The following RYR3 variants were observed in gnomAD, a reference collection of about 807,000 sequenced individuals.
RYR3 encodes the protein ryanodine receptor 3.
In RYR3, 207 loss-of-function variants were observed where a neutral mutation model predicts 584.3. The ratio of observed to expected loss-of-function variants is 0.35; its 90% CI spans 0.32 to 0.40. RYR3 has a LOEUF of 0.40. RYR3 is among the 10% of genes least tolerant of loss of function. The pLI is 1.00. For synonymous variants in RYR3, 2,416 were observed against 2,248.5 expected, an observed-to-expected ratio of 1.07 and a Z score of -2.11; for missense variants, 5,616 against 6,089.2, an observed-to-expected ratio of 0.92 and a Z score of 2.59.
intron 3 of RYR3, among the ~76,000 whole-genome samples, chr15:33,508,901 C>T (rs931621992): frequency 3.9e-5 from 6 of 152,170 alleles, no homozygotes; most frequent in African/African-American, 1.4e-4. Flanking sequence ...TCATATGTTA[C>T]TGCTTCTTGA....
intron 38 of RYR3, among the ~76,000 whole-genome samples, chr15:33,675,473 G>A (rs942125200): frequency 1.3e-5 from 2 of 152,150 alleles, no homozygotes; most frequent in Non-Finnish European, 2.9e-5. Flanking sequence ...AACGGCTTAA[G>A]GACTAAATGA....
intron 67 of RYR3, among the ~76,000 whole-genome samples, chr15:33,789,986 C>CCT (rs2075049995): frequency 1.9e-5 from 1 of 53,250 alleles, no homozygotes. Context: ...GCCTGGCCTT[C>CCT]TTTTTTTTTT....
chr15:33,700,927 T>C (rs2066254485), intron 41 of RYR3, 50 bp from the exon 42 acceptor site: 1 of 1,371,288 alleles, frequency 7.3e-7, no homozygotes, highest in Non-Finnish European at 1.0e-6. Flanking sequence ...AGCTCAGCAC[T>C]GAGTGTCTTC....
chr15:33,393,835 G>T (rs2042145147), intron 1 of RYR3, among the ~76,000 whole-genome samples: 1 of 152,184 alleles, frequency 6.6e-6, no homozygotes, highest in Admixed American at 6.5e-5. Flanking sequence ...CTACTTCAGG[G>T]ACAGAAAACA....
chr15:33,842,051 T>C lies in RYR3; in HGVS notation c.13209+16T>C, dbSNP rs151144927. ...CAAGTTACTGGTAAGCATTCCAACC[T>C]TGGCCCTGTTCATGGTGCAGGGATT... On this transcript the variant is annotated intron_variant, in intron 91 of 103. Coordinates refer to ENST00000634891, the MANE Select transcript of RYR3 (RefSeq NM_001036.6). 1.5e-5 allele frequency: 24 copies of C among 1,589,712 alleles called. No individual in the cohort carries two copies. The African/African-American group carries it at 2.7e-4, about 18-fold the overall frequency.
chr15:33,367,400 T>C (rs1193182201), intron 1 of RYR3, among the ~76,000 whole-genome samples: 1 of 152,198 alleles, frequency 6.6e-6, no homozygotes, highest in Non-Finnish European at 1.5e-5. Flanking sequence ...GCTGTAGTGT[T>C]CAGAGTTTTA....
intron 10 of RYR3, among the ~76,000 whole-genome samples, chr15:33,561,495 T>C (rs2152481868): frequency 6.6e-6 from 1 of 152,312 alleles, no homozygotes; most frequent in East Asian, 1.9e-4. Context: ...CTCTGTAAAA[T>C]TGGAATGGCA....
chr15:33,378,565 G>A (rs2040923543), intron 1 of RYR3, among the ~76,000 whole-genome samples: 1 of 152,220 alleles, frequency 6.6e-6, no homozygotes, highest in African/African-American at 2.4e-5. Context: ...AAGCAAATAA[G>A]GAGAAGGGAT....
intron 52 of RYR3, among the ~76,000 whole-genome samples, chr15:33,745,055 A>T (rs1045982287): frequency 1.3e-5 from 2 of 152,166 alleles, no homozygotes; most frequent in African/African-American, 4.8e-5. Flanking sequence ...GGTGGCCTGA[A>T]CTAACATACT....
chr15:33,786,503 C>T (rs763581881), intron 66 of RYR3, among the ~76,000 whole-genome samples: 12 of 151,464 alleles, frequency 7.9e-5, no homozygotes, highest in Non-Finnish European at 1.0e-4. Context: ...CTTTTGTATC[C>T]CTCCAAAGTT....
At chr15:33,613,134 C>A in intron 18 of RYR3, 49 bp from the exon 19 acceptor site, 1 of 1,459,662 alleles carries the variant, frequency 6.9e-7, no homozygotes, top group African/African-American at 1.4e-5. Flanking sequence ...CTCAGCCTAG[C>A]AGGTGCCTCC....
intron 64 of RYR3, among the ~76,000 whole-genome samples, chr15:33,775,527 A>G (rs1319226015): frequency 6.6e-6 from 1 of 152,144 alleles, no homozygotes; most frequent in Admixed American, 6.5e-5. Flanking sequence ...CAGCTGGCCC[A>G]GGTGAGAGGT....
intron 12 of RYR3, among the ~76,000 whole-genome samples, chr15:33,577,151 A>G (rs538289014): frequency 2.8e-4 from 42 of 152,352 alleles, no homozygotes; most frequent in African/African-American, 8.9e-4. Context: ...CTCCATGCTC[A>G]TGGATAGGAA....
intron 1 of RYR3, among the ~76,000 whole-genome samples, chr15:33,341,930 C>G (rs1241117686): frequency 2.0e-5 from 3 of 152,066 alleles, no homozygotes; most frequent in Non-Finnish European, 2.9e-5. Context: ...AACTGAGGCT[C>G]GAGGGTGACC....
At chr15:33,534,461 A>G (rs960923765) in intron 5 of RYR3, among the ~76,000 whole-genome samples, 11 of 152,228 alleles carry the variant, frequency 7.2e-5, no homozygotes, top group African/African-American at 2.7e-4. Context: ...AGTGTCATTT[A>G]ATTGCCTCCC....
At chr15:33,326,938 T>C (rs1022116744) in intron 1 of RYR3, among the ~76,000 whole-genome samples, 2 of 152,142 alleles carry the variant, frequency 1.3e-5, no homozygotes, top group African/African-American at 4.8e-5. Flanking sequence ...TTGTTATATG[T>C]CTGATACTAA....
At chr15:33,751,500 T>C (rs879466220) in intron 57 of RYR3, among the ~76,000 whole-genome samples, 1 of 152,216 alleles carries the variant, frequency 6.6e-6, no homozygotes, top group Non-Finnish European at 1.5e-5. Context: ...GATGAGCTTT[T>C]TTTCGTATGC....
chr15:33,355,651 G>A (rs190905394), intron 1 of RYR3, among the ~76,000 whole-genome samples: 76 of 152,318 alleles, frequency 5.0e-4, no homozygotes, highest in Middle Eastern at 3.4e-3. Flanking sequence ...GTCATCAAGA[G>A]TGTCTAAAAC....
At chr15:33,568,602 T>C (rs1005385951) in intron 12 of RYR3, among the ~76,000 whole-genome samples, 1 of 152,198 alleles carries the variant, frequency 6.6e-6, no homozygotes, top group Admixed American at 6.5e-5. Context: ...GGCTAATTTT[T>C]TAATTTTTTG....
Sources: gnomAD v4.1 joint callset for allele counts (sites outside exome capture counted in the v4.1 genomes callset) on GRCh38, gnomAD v4.1.1 for gene constraint, MANE v1.5 for transcripts, NCBI Gene and HGNC (gene_info 2026-07-23, HGNC 2026-07-21) for gene names.